Variants in SF3B1 observed in about 807,000 individuals in gnomAD.
SF3B1 encodes pre-mRNA processing 10.
Under a neutral mutation model 153.8 loss-of-function variants are expected in SF3B1, and 12 were observed. That is an observed-to-expected ratio of 0.08 (90% CI 0.05 to 0.13). The LOEUF (loss-of-function observed/expected upper bound fraction) is 0.13, where lower values mean the gene tolerates loss of function less well. Ranked by LOEUF, SF3B1 falls within the 10% of genes least tolerant of loss-of-function variation. The pLI is 1.00. For missense variants in SF3B1, 513 were observed against 1,606.1 expected, an observed-to-expected ratio of 0.32 and a Z score of 11.63; for synonymous variants, 498 against 525.2, an observed-to-expected ratio of 0.95 and a Z score of 0.71.
rs2084800343 is a variant in SF3B1, at chr2:197,390,641, G to C, written c.*1662C>G. ...TTTTTTTTTTTGAGACGGAGTCTCT[G>C]TCGCCCAGGCTGGAGTGTAGCAGCG... On this transcript the variant is annotated 3_prime_UTR_variant, in exon 25 of 25. Coordinates refer to ENST00000335508, the MANE Select transcript of SF3B1 (RefSeq NM_012433.4). The C allele has an allele frequency of 7.0e-6, 1 of 143,702 alleles. No individual in the cohort carries two copies. Among genetic ancestry groups the C allele is most frequent in the Non-Finnish European group, 1.5e-5 (1 of 66,886 alleles). 8.9% of individuals were successfully genotyped at this position (143,702 alleles called of 1,614,324 possible).
rs770523362 is a variant in SF3B1, at chr2:197,421,072, G to C, written c.257C>G (p.Ala86Gly). ...TATATCATTAAGCAATGCCACAGGG[G>C]CATGATATCCTGGCTTCTTCTGACC... ...LLGQKKPGYH[A>G]PVALLNDIPQ... The change falls in exon 3 of 25, where the codon GCC becomes GGC. Residue 86 changes from alanine (A) to glycine (G), a missense_variant. By Grantham distance (60) the Ala-to-Gly change is moderately conservative (BLOSUM62 0). Coordinates refer to ENST00000335508, the MANE Select transcript of SF3B1 (RefSeq NM_012433.4). 4.3e-6 allele frequency: 7 copies of C among 1,612,932 alleles called. No homozygotes were observed. Among genetic ancestry groups the C allele is most frequent in the Non-Finnish European group, 5.9e-6 (7 of 1,179,406 alleles).
intron 2 of SF3B1, among the ~76,000 whole-genome samples, chr2:197,423,476 T>C (rs964005608): frequency 1.6e-4 from 25 of 151,934 alleles, no homozygotes; most frequent in African/African-American, 6.0e-4. Flanking sequence ...CAAGGACAGA[T>C]GGCTATTTAC....
At chr2:197,423,506 C>G (rs1303701041) in intron 2 of SF3B1, among the ~76,000 whole-genome samples, 2 of 152,180 alleles carry the variant, frequency 1.3e-5, no homozygotes, top group Admixed American at 6.5e-5. Flanking sequence ...ACTTCTCACA[C>G]AGGCTACTCT....
rs2085500390 is a variant in SF3B1, at chr2:197,434,957, G to T, written c.28+15C>A. The T allele has an allele frequency of 1.9e-6, 3 of 1,612,908 alleles. No homozygotes were observed. The African/African-American group carries it at 4.0e-5, about 21-fold the overall frequency. On this transcript the variant is annotated intron_variant, in intron 1 of 24. Coordinates refer to ENST00000335508, the MANE Select transcript of SF3B1 (RefSeq NM_012433.4). ...AGCAACGAAGAAAACACGTAAGCAG[G>T]GAAAGACCGCTTACCTTCGTGAGTC...
intron 5 of SF3B1, among the ~76,000 whole-genome samples, chr2:197,417,698 G>A (rs1461778277): frequency 1.3e-5 from 2 of 151,776 alleles, no homozygotes; most frequent in Non-Finnish European, 2.9e-5. Context: ...CAGAGGGTGC[G>A]GTAAGCTGAA....
chr2:197,416,783 A>T lies in SF3B1; in HGVS notation c.624T>A (p.Pro208=). 6.2e-7 allele frequency: 1 copy of T among 1,614,156 alleles called. No homozygotes were observed. The change falls in exon 6 of 25, where the codon CCT becomes CCA. Residue 208 remains proline, a synonymous_variant. Transcript: ENST00000335508. ...TTGATAGTTTTTTGGGAGTGGCACC[A>T]GGAGTCTGATCAGCTGTTTGATCCC... ...RRWDQTADQT[P]GATPKKLSSW...
Position 197,402,221 on chromosome 2 carries a change from G to T in SF3B1, c.2078-91C>A. ...ATTCTCTCAATATATCAACTATTCA[G>T]CCAAACTGCAGAATATGTTCACATT... On this transcript the variant is annotated intron_variant, in intron 14 of 24. Coordinates refer to ENST00000335508, the MANE Select transcript of SF3B1 (RefSeq NM_012433.4). This position sits in a 1 kb window ranked among gnomAD's most constrained non-coding sequence, Gnocchi z 4.6. 1 of 1,422,792 alleles carries T rather than the reference G, an allele frequency of 7.0e-7. No homozygotes were observed. Among genetic ancestry groups the T allele is most frequent in the Non-Finnish European group, 9.5e-7 (1 of 1,054,396 alleles). 88.1% of individuals were successfully genotyped at this position (1,422,792 alleles called of 1,614,324 possible).
Position 197,401,639 on chromosome 2 carries a change from C to T in SF3B1, c.2370+103G>A, listed in dbSNP as rs146157464. 1.4e-4 allele frequency: 207 copies of T among 1,464,892 alleles called. No individual in the cohort carries two copies. In the African/African-American group the frequency reaches 2.5e-3, roughly 17 times the overall value. The allele number at this position is 1,464,892 out of a possible 1,614,324, so 90.7% of individuals were successfully genotyped here. A position where few individuals can be genotyped will look rare whatever the true frequency, so the allele number is the denominator to read the frequency against. ...ATTTAAAAACAAATCAAACAGTATT[C>T]GTGTAACATACAGTTTTTTTTGTTG... On this transcript the variant is annotated intron_variant, in intron 16 of 24. Transcript: ENST00000335508. The surrounding 1 kb of genome is among the most constrained non-coding windows in gnomAD (Gnocchi z 4.2).
intron 7 of SF3B1, 118 bp from the exon 8 acceptor site, chr2:197,408,699 G>C: frequency 1.4e-6 from 1 of 736,240 alleles, no homozygotes; most frequent in South Asian, 1.8e-5. Context: ...TTCCTAAAAT[G>C]GTGACCCATT....
Position 197,423,907 on chromosome 2 carries a change from G to A in SF3B1, c.96C>T (p.Gly32=), listed in dbSNP as rs2085288382. 5 of 1,612,328 alleles carry A rather than the reference G, an allele frequency of 3.1e-6. No individual in the cohort carries two copies. Among genetic ancestry groups the A allele is most frequent in the Non-Finnish European group, 4.2e-6 (5 of 1,179,556 alleles). Residue 32 remains glycine, a synonymous_variant, in exon 2 of 25, where the codon GGC becomes GGT. Transcript: ENST00000335508. The part of the protein sequence containing the change: ...KAALDEAQGV[G]LDSTGYYDQE... ...GGTCATAATAACCTGTAGAATCGAG[G>A]CCCACTCCTTGAGCTTCATCAAGAG...
chr2:197,406,543 A>G (rs377209746), intron 9 of SF3B1, among the ~76,000 whole-genome samples: 1 of 152,214 alleles, frequency 6.6e-6, no homozygotes, highest in African/African-American at 2.4e-5. Flanking sequence ...AAGGTCTACT[A>G]TATTTTTATA....
chr2:197,420,691 A>T lies in SF3B1; in HGVS notation c.301-149T>A, dbSNP rs530733367. 114 of 562,760 alleles carry T rather than the reference A, an allele frequency of 2.0e-4. No individual in the cohort carries two copies. The South Asian group carries it at 3.1e-3, about 15-fold the overall frequency. The allele number at this position is 562,760 out of a possible 1,614,324, so 34.9% of individuals were successfully genotyped here. A position where few individuals can be genotyped will look rare whatever the true frequency, so the allele number is the denominator to read the frequency against. ...CGTTTCACAGATAAATGTTAAATAT[A>T]AAAAAATAAGGCACATGGAAACAAG... On this transcript the variant is annotated intron_variant, in intron 3 of 24. Coordinates refer to ENST00000335508, the MANE Select transcript of SF3B1 (RefSeq NM_012433.4).
At chr2:197,398,204 T>A in intron 21 of SF3B1, 88 bp from the exon 22 acceptor site, 1 of 1,081,118 alleles carries the variant, frequency 9.2e-7, no homozygotes, top group Non-Finnish European at 1.4e-6. Context: ...AAAACATGAT[T>A]AACTCATTTT....
chr2:197,410,698 G>A (rs2085055488), intron 6 of SF3B1, among the ~76,000 whole-genome samples: 1 of 151,716 alleles, frequency 6.6e-6, no homozygotes, highest in African/African-American at 2.4e-5. Flanking sequence ...TAGAAACAGG[G>A]TTTCTCCACG....
intron 6 of SF3B1, among the ~76,000 whole-genome samples, chr2:197,412,180 C>T (rs567866044): frequency 6.6e-6 from 1 of 150,812 alleles, no homozygotes; most frequent in Admixed American, 6.6e-5. Flanking sequence ...ATAAAGCACA[C>T]AAATTGTTTA....
Position 197,423,792 on chromosome 2 carries a change from A to AT in SF3B1, c.195+15dup, listed in dbSNP as rs1482160368. On this transcript the variant is annotated intron_variant, in intron 2 of 24. Coordinates refer to ENST00000335508, the MANE Select transcript of SF3B1 (RefSeq NM_012433.4). ...TCAAAAAAATAACTGCCTCTTGTAC[A>AT]TAATTTGTAACTTACATCTTCAAGT... The AT allele has an allele frequency of 6.2e-7, 1 of 1,611,060 alleles. No homozygotes were observed. Among genetic ancestry groups the AT allele is most frequent in the Non-Finnish European group, 8.5e-7 (1 of 1,179,034 alleles).
At position 197,390,198 on chromosome 2, in the gene SF3B1, T is replaced by TA. The variant is rs971999772; in HGVS notation, c.*2104dup. 1 of 152,122 alleles carries TA rather than the reference T, an allele frequency of 6.6e-6. No individual in the cohort carries two copies. Among genetic ancestry groups the TA allele is most frequent in the Non-Finnish European group, 1.5e-5 (1 of 68,020 alleles). 9.4% of individuals were successfully genotyped at this position (152,122 alleles called of 1,614,324 possible). On this transcript the variant is annotated 3_prime_UTR_variant, in exon 25 of 25. Coordinates refer to ENST00000335508, the MANE Select transcript of SF3B1 (RefSeq NM_012433.4). Reference sequence around the variant, plus strand: ...TCTATCCTCAAATTATTTGCATCAGTAAAAAAAGTTAATTAAGGTGTAACA... The same window carrying TA: ...TCTATCCTCAAATTATTTGCATCAGTAAAAAAAAGTTAATTAAGGTGTAACA...
intron 1 of SF3B1, among the ~76,000 whole-genome samples, chr2:197,433,904 C>T (rs1227227716): frequency 2.0e-5 from 3 of 152,180 alleles, no homozygotes; most frequent in Non-Finnish European, 2.9e-5. Context: ...CTCAGTGAAA[C>T]AACCCTAAAC....
intron 9 of SF3B1, among the ~76,000 whole-genome samples, chr2:197,406,696 C>G (rs150139820): frequency 2.6e-5 from 4 of 152,300 alleles, no homozygotes; most frequent in South Asian, 4.1e-4. Flanking sequence ...ACCCACAGTT[C>G]TATCTATACC....
Sources: allele counts gnomAD v4.1 joint callset (sites outside exome capture counted in the v4.1 genomes callset), GRCh38; gene constraint gnomAD v4.1.1; non-coding constraint Gnocchi (gnomAD v3.1); transcripts MANE v1.5; gene names NCBI Gene and HGNC (gene_info 2026-07-23, HGNC 2026-07-21).